The following CIDEA variants were observed in gnomAD, a reference collection of about 807,000 sequenced individuals.
CIDEA encodes the protein lipid transferase CIDEA.
A neutral mutation model predicts 18.2 loss-of-function variants in CIDEA; 10 were observed. That is an observed-to-expected ratio of 0.55 (90% CI 0.34 to 0.93). The LOEUF (loss-of-function observed/expected upper bound fraction) is 0.93, where lower values mean the gene tolerates loss of function less well. Among genes scored for constraint, CIDEA ranks in the 40% least tolerant of loss-of-function variants. The pLI is 0.02. For missense variants in CIDEA, 309 were observed against 293.1 expected (o/e 1.05, Z -0.40); for synonymous variants, 128 against 124.8 (o/e 1.03, Z -0.17).
intron 1 of CIDEA, among the ~76,000 whole-genome samples, chr18:12,258,494 G>A (rs1036574974): frequency 6.6e-6 from 1 of 152,226 alleles, no homozygotes. Flanking sequence ...AGGCGCTGTG[G>A]GAAAGTAGGA....
At chr18:12,262,096 G>A (rs188753878) in intron 1 of CIDEA, among the ~76,000 whole-genome samples, 1 of 152,070 alleles carries the variant, frequency 6.6e-6, no homozygotes, top group East Asian at 1.9e-4. Context: ...GAGCCCAGGA[G>A]GTCAAGGCTG....
intron 1 of CIDEA, among the ~76,000 whole-genome samples, chr18:12,258,575 G>A (rs965337981): frequency 6.6e-6 from 1 of 152,222 alleles, no homozygotes; most frequent in South Asian, 2.1e-4. Context: ...TCCTGCCTTG[G>A]GGGCGAAGAG....
chr18:12,254,464 G>A (rs1477114070), intron 1 of CIDEA, 43 bp downstream of exon 1: 2 of 1,590,334 alleles, frequency 1.3e-6, no homozygotes, highest in Admixed American at 1.7e-5. Flanking sequence ...GCTTCCAATC[G>A]CCTTGCGTTC....
Position 12,254,440 on chromosome 18 carries a change from CCT to C in CIDEA, c.38+20_38+21del, listed in dbSNP as rs753659807. On this transcript the variant is annotated intron_variant, in intron 1 of 4. Coordinates refer to ENST00000320477, the MANE Select transcript of CIDEA (RefSeq NM_001279.4). ...TCATCAGGCGAGTGCCCCGCGTCCC[CCT>C]GATTGCCGTGCGCTTCCAATCGCCT... is the stretch of plus-strand genomic sequence containing the variant. 4 of 1,597,210 alleles carry C rather than the reference CCT, an allele frequency of 2.5e-6. No individual in the cohort carries two copies. The Admixed American group carries it at 5.1e-5, about 20-fold the overall frequency.
intron 3 of CIDEA, among the ~76,000 whole-genome samples, chr18:12,272,155 G>GGC (rs1912559565): frequency 6.8e-5 from 1 of 14,692 alleles, no homozygotes; most frequent in Non-Finnish European, 3.3e-4. Context: ...TGTGTGGGGG[G>GGC]GGGGGGTTGG....
intron 2 of CIDEA, among the ~76,000 whole-genome samples, chr18:12,263,186 C>T (rs1179377476): frequency 1.3e-5 from 2 of 152,080 alleles, no homozygotes. Context: ...GCCATGTGGC[C>T]CAGGCTGGCC....
At position 12,273,771 on chromosome 18, in the gene CIDEA, G is replaced by A. The variant is rs58684456; in HGVS notation, c.331-322G>A. Among the ~76,000 whole-genome samples, 175 of 152,256 alleles carry A rather than the reference G, an allele frequency of 1.1e-3. 3 individuals carry two copies. In the East Asian group the frequency reaches 0.026, roughly 22 times the overall value. On this transcript the variant is annotated intron_variant, in intron 3 of 4. Transcript: ENST00000320477. ...AGGTAACCATGGTGGCCTCCAGGGC[G>A]AGTGGGTCCCCACCACTCATCAGGG...
At chr18:12,276,491 C>G (rs1188805573) in intron 4 of CIDEA, among the ~76,000 whole-genome samples, 1 of 152,168 alleles carries the variant, frequency 6.6e-6, no homozygotes, top group East Asian at 1.9e-4. Flanking sequence ...GTTCAGCCTT[C>G]TTGTTACTAA....
intron 3 of CIDEA, among the ~76,000 whole-genome samples, chr18:12,266,998 A>G (rs1312844419): frequency 1.3e-5 from 2 of 152,064 alleles, no homozygotes; most frequent in African/African-American, 4.8e-5. Flanking sequence ...TGACCTTGTG[A>G]TCCACCTGCC....
chr18:12,258,578 G>C (rs1328634836), intron 1 of CIDEA, among the ~76,000 whole-genome samples: 1 of 152,208 alleles, frequency 6.6e-6, no homozygotes, highest in African/African-American at 2.4e-5. Context: ...TGCCTTGGGG[G>C]CGAAGAGGGG....
chr18:12,264,502 C>T lies in CIDEA; in HGVS notation c.330+49C>T, dbSNP rs1240589410. On this transcript the variant is annotated intron_variant, in intron 3 of 4. Coordinates refer to ENST00000320477, the MANE Select transcript of CIDEA (RefSeq NM_001279.4). ...AACAGCTACTGGGTAGACTTTTTAC[C>T]TACAAATTTGTGTGCCCTACTTGGG... is the stretch of plus-strand genomic sequence containing the variant. The T allele has an allele frequency of 7.2e-6, 11 of 1,528,538 alleles. No individual in the cohort carries two copies. In the South Asian group the frequency reaches 1.3e-4, roughly 18 times the overall value. The allele number at this position is 1,528,538 out of a possible 1,614,324, so 94.7% of individuals were successfully genotyped here. A position where few individuals can be genotyped will look rare whatever the true frequency, so the allele number is the denominator to read the frequency against.
intron 1 of CIDEA, 41 bp from the exon 2 acceptor site, chr18:12,262,782 CAG>C: frequency 6.3e-7 from 1 of 1,576,468 alleles, no homozygotes; most frequent in Non-Finnish European, 8.7e-7. Flanking sequence ...CTTCTTCTGA[CAG>C]ACTCTTTTTA....
At position 12,254,485 on chromosome 18, in the gene CIDEA, T is replaced by C. The variant is rs151097449; in HGVS notation, c.38+64T>C. On this transcript the variant is annotated intron_variant, in intron 1 of 4. Transcript: ENST00000320477. Reference sequence around the variant, plus strand: ...AATCGCCTTGCGTTCGGTGGCCTCATATTCCCCTGTGCGCCTCTAGTACCG... The same window carrying C: ...AATCGCCTTGCGTTCGGTGGCCTCACATTCCCCTGTGCGCCTCTAGTACCG... 18 of 1,568,038 alleles carry C rather than the reference T, an allele frequency of 1.1e-5. No individual in the cohort carries two copies. In the East Asian group the frequency reaches 2.1e-4, roughly 18 times the overall value.
chr18:12,268,395 T>A (rs1598779416), intron 3 of CIDEA, among the ~76,000 whole-genome samples: 1 of 148,912 alleles, frequency 6.7e-6, no homozygotes, highest in South Asian at 2.1e-4. Context: ...TTTTTTTTTT[T>A]AATTTGTTTG....
chr18:12,264,465 C>T lies in CIDEA; in HGVS notation c.330+12C>T. ...AGAAGTGGATGCCGGTAAGCAAAAA[C>T]ACTGTCACCCAAACAGCTACTGGGT... On this transcript the variant is annotated intron_variant, in intron 3 of 4. Coordinates refer to ENST00000320477, the MANE Select transcript of CIDEA (RefSeq NM_001279.4). The T allele has an allele frequency of 1.9e-6, 3 of 1,610,266 alleles. No individual in the cohort carries two copies. The highest frequency in any genetic ancestry group is 2.5e-6 in the Non-Finnish European group (3 of 1,177,826).
chr18:12,264,647 G>A (rs1016677266), intron 3 of CIDEA, among the ~76,000 whole-genome samples, 194 bp downstream of exon 3: 13 of 151,874 alleles, frequency 8.6e-5, no homozygotes, highest in South Asian at 2.1e-4. Flanking sequence ...TCCGCCTCCC[G>A]GGTTCACGCC....
Position 12,276,577 on chromosome 18 carries a change from G to A in CIDEA, c.513-546G>A, listed in dbSNP as rs186922742. On this transcript the variant is annotated intron_variant, in intron 4 of 4. Transcript: ENST00000320477. ...CGACAGCCCCCACACTGGAGGCACC[G>A]CCTGCTAGGGACCCTGTTGTGGGTG... Among the ~76,000 whole-genome samples the A allele has an allele frequency of 2.3e-3, 350 of 152,328 alleles. 2 individuals carry two copies. Among genetic ancestry groups the A allele is most frequent in the African/African-American group, 7.9e-3 (330 of 41,582 alleles).
rs68102741 is a variant in CIDEA at position 12,270,688 on chromosome 18, C to CAAAAAAA, written c.331-3383_331-3377dup. The stretch of plus-strand genomic sequence containing the variant: ...GGCGACAGAGCAAGACTCCGTCTCA[C>CAAAAAAA]AAAAAAAAAAAAAAAAAAAAAAAAA... On this transcript the variant is annotated intron_variant, in intron 3 of 4. Transcript: ENST00000320477. Among the ~76,000 whole-genome samples the CAAAAAAA allele has an allele frequency of 8.0e-3, 585 of 72,792 alleles. 54 individuals are homozygous for CAAAAAAA. The highest frequency in any genetic ancestry group is 0.022 in the African/African-American group (260 of 11,912). 47.8% of individuals were successfully genotyped at this position (72,792 alleles called of 152,430 possible).
intron 3 of CIDEA, among the ~76,000 whole-genome samples, chr18:12,267,987 A>G (rs1356965763): frequency 3.3e-5 from 5 of 152,158 alleles, no homozygotes; most frequent in African/African-American, 1.2e-4. Context: ...CCAGCCTCCA[A>G]TGTCGTTAGT....
Sources: allele counts gnomAD v4.1 joint callset (sites outside exome capture counted in the v4.1 genomes callset), GRCh38; gene constraint gnomAD v4.1.1; transcripts MANE v1.5; gene names NCBI Gene and HGNC (gene_info 2026-07-23, HGNC 2026-07-21).